The following UGP2 variants were observed in gnomAD, a reference collection of about 807,000 sequenced individuals.
The protein encoded by UGP2 is UTP--glucose-1-phosphate uridylyltransferase.
In UGP2, 40 loss-of-function variants were observed where a neutral mutation model predicts 49.0. That is an observed-to-expected ratio of 0.82 (90% confidence interval 0.63 to 1.06). The LOEUF is 1.06. Ranked by LOEUF, UGP2 falls within the 50% of genes least tolerant of loss-of-function variation. The probability of loss-of-function intolerance (pLI) is 0.00; values close to 1 mark genes in which losing one functional copy is unlikely to be tolerated. For synonymous variants in UGP2, 225 were observed against 213.0 expected (o/e 1.06, Z -0.49); for missense variants, 460 against 603.5 (o/e 0.76, Z 2.49).
At chr2:63,881,268 A>G (rs371089331) in intron 3 of UGP2, among the ~76,000 whole-genome samples, 5 of 152,264 alleles carry the variant, frequency 3.3e-5, no homozygotes, top group African/African-American at 1.2e-4. Context: ...CTGACCAAGC[A>G]TAAAGAGATT....
At chr2:63,886,185 G>A (rs1306519983) in intron 6 of UGP2, among the ~76,000 whole-genome samples, 156 bp from the exon 7 acceptor site, 1 of 151,994 alleles carries the variant, frequency 6.6e-6, no homozygotes, top group Non-Finnish European at 1.5e-5. Context: ...CTTCTAGTTT[G>A]GCATTTAAAT....
intron 8 of UGP2, chr2:63,888,187 T>G (rs1406131757): frequency 6.5e-6 from 1 of 154,714 alleles, no homozygotes; most frequent in Non-Finnish European, 1.4e-5. Context: ...AATTTTACAT[T>G]GAGTGGCCAC....
At chr2:63,864,366 T>C (rs1670040113) in intron 3 of UGP2, among the ~76,000 whole-genome samples, 1 of 152,234 alleles carries the variant, frequency 6.6e-6, no homozygotes, top group Non-Finnish European at 1.5e-5. Flanking sequence ...AGTACATCCC[T>C]ATGTTTATCT....
At position 63,882,459 on chromosome 2, in the gene UGP2, C is replaced by A; in HGVS notation, c.256-7C>A. The stretch of plus-strand genomic sequence containing the variant: ...AAATTACTCCTATAATGTTATTTTT[C>A]TTTCAGATTCAACCCTATGAAAAGA... On this transcript the variant is annotated splice_polypyrimidine_tract_variant and splice_region_variant and intron_variant, in intron 3 of 9. Transcript: ENST00000337130. The A allele has an allele frequency of 6.4e-7, 1 of 1,555,896 alleles. No homozygotes were observed.
chr2:63,855,920 C>T, intron 1 of UGP2: 1 of 214,632 alleles, frequency 4.7e-6, no homozygotes. Flanking sequence ...ATCCATCTGT[C>T]ACAGAAGTGC....
At chr2:63,841,209 C>T (rs1671510686), upstream of UGP2, 1 of 152,216 alleles carries the variant, frequency 6.6e-6, no homozygotes, top group Admixed American at 6.5e-5. Flanking sequence ...CCCCCAATTT[C>T]CCAGCTGCTA....
intron 3 of UGP2, among the ~76,000 whole-genome samples, chr2:63,858,291 G>A (rs1336414923): frequency 6.6e-6 from 1 of 152,062 alleles, no homozygotes. Flanking sequence ...TTGCCCGTAG[G>A]GTCATGGATG....
At chr2:63,863,133 CTG>C (rs1669961975) in intron 3 of UGP2, among the ~76,000 whole-genome samples, 1 of 152,114 alleles carries the variant, frequency 6.6e-6, no homozygotes, top group Admixed American at 6.5e-5. Flanking sequence ...ATATACATAA[CTG>C]TTGGTAGTGT....
chr2:63,867,653 T>C (rs1247202364), intron 3 of UGP2, among the ~76,000 whole-genome samples: 2 of 152,226 alleles, frequency 1.3e-5, no homozygotes, highest in Non-Finnish European at 2.9e-5. Context: ...TTCTTTGCCT[T>C]TGGTTTTAAA....
At chr2:63,856,791 G>A (rs1558938753) in intron 2 of UGP2, 2 of 461,826 alleles carry the variant, frequency 4.3e-6, no homozygotes, top group Non-Finnish European at 8.7e-6. Context: ...TTTCCAGAGA[G>A]TCACTTCTGA....
At chr2:63,860,049 G>C (rs1669727338) in intron 3 of UGP2, among the ~76,000 whole-genome samples, 1 of 151,912 alleles carries the variant, frequency 6.6e-6, no homozygotes, top group South Asian at 2.1e-4. Flanking sequence ...TTTCCCATAG[G>C]TTTCCTTTCT....
intron 3 of UGP2, among the ~76,000 whole-genome samples, chr2:63,869,142 A>G (rs1194079410): frequency 6.6e-6 from 1 of 152,172 alleles, no homozygotes; most frequent in Non-Finnish European, 1.5e-5. Flanking sequence ...AATAAAAAAT[A>G]TGTAACGTGA....
intron 1 of UGP2, among the ~76,000 whole-genome samples, chr2:63,849,375 G>A (rs1266150412): frequency 6.6e-6 from 1 of 152,176 alleles, no homozygotes; most frequent in Non-Finnish European, 1.5e-5. Context: ...TTTCATTTGT[G>A]TTATATGCCT....
intron 9 of UGP2, 88 bp from the exon 10 acceptor site, chr2:63,891,032 A>AC: frequency 8.9e-7 from 1 of 1,127,638 alleles, no homozygotes; most frequent in Non-Finnish European, 1.2e-6. Context: ...TGTAAAAAAA[A>AC]AAAAGTTGTA....
chr2:63,886,251 T>C, intron 6 of UGP2, 90 bp from the exon 7 acceptor site: 2 of 1,237,502 alleles, frequency 1.6e-6, no homozygotes, highest in Middle Eastern at 2.1e-4. Flanking sequence ...AATGTATTTA[T>C]ATATTTTTTG....
chr2:63,872,018 C>T (rs769121478), intron 3 of UGP2, among the ~76,000 whole-genome samples: 2 of 152,092 alleles, frequency 1.3e-5, no homozygotes, highest in Non-Finnish European at 2.9e-5. Context: ...TGAAAATAGC[C>T]GTAGACTATA....
rs974183911 is a variant in UGP2 at position 63,889,845 on chromosome 2, A to C, written c.1315-236A>C. ...AAAAAAAAAGAAAAAAAACCCTTAG[A>C]TCTGCTCAACTATCTTGTAAATTGC... On this transcript the variant is annotated intron_variant, in intron 8 of 9. Coordinates refer to ENST00000337130, the MANE Select transcript of UGP2 (RefSeq NM_006759.4). The C allele has an allele frequency of 1.0e-5, 4 of 397,486 alleles. No individual in the cohort carries two copies. The East Asian group carries it at 1.8e-4, about 18-fold the overall frequency. The allele number at this position is 397,486 out of a possible 1,614,324, so 24.6% of individuals were successfully genotyped here. A position where few individuals can be genotyped will look rare whatever the true frequency, so the allele number is the denominator to read the frequency against.
chr2:63,887,890 C>T (rs993511054), intron 8 of UGP2: 10 of 473,004 alleles, frequency 2.1e-5, no homozygotes, highest in East Asian at 2.1e-4. Flanking sequence ...TCTTCTGTCT[C>T]TTCCAAGACC....
At chr2:63,883,073 A>G (rs1481892214) in intron 4 of UGP2, among the ~76,000 whole-genome samples, 1 of 152,184 alleles carries the variant, frequency 6.6e-6, no homozygotes, top group Non-Finnish European at 1.5e-5. Flanking sequence ...AAAGTCATTA[A>G]TCGTACACCA....
Sources: allele counts gnomAD v4.1 joint callset (sites outside exome capture counted in the v4.1 genomes callset), GRCh38; gene constraint gnomAD v4.1.1; transcripts MANE v1.5; gene names NCBI Gene and HGNC (gene_info 2026-07-23, HGNC 2026-07-21).